The following MGA variants were observed in gnomAD, a reference collection of about 807,000 sequenced individuals.
MGA encodes the protein MAX gene-associated protein.
Under a neutral mutation model 261.1 loss-of-function variants are expected in MGA, and 40 were observed. The observed-to-expected ratio is 0.15, with a 90% confidence interval of 0.12 to 0.20. The LOEUF (loss-of-function observed/expected upper bound fraction) is 0.20, where lower values mean the gene tolerates loss of function less well. Among genes scored for constraint, MGA ranks in the 10% least tolerant of loss-of-function variants. The pLI, the probability that MGA is intolerant of heterozygous loss-of-function variation, is 1.00. For missense variants in MGA, 3,397 were observed against 3,630.5 expected (o/e 0.94, Z 1.65); for synonymous variants, 1,302 against 1,290.6 (o/e 1.01, Z -0.19).
intron 1 of MGA, among the ~76,000 whole-genome samples, chr15:41,633,906 TTC>T (rs780039271): frequency 8.5e-5 from 13 of 152,192 alleles, no homozygotes; most frequent in Non-Finnish European, 1.6e-4. Flanking sequence ...CCCCTCTTAC[TTC>T]TCTGACCTTA....
intron 3 of MGA, among the ~76,000 whole-genome samples, chr15:41,697,856 T>C (rs1351863929): frequency 2.0e-5 from 3 of 152,164 alleles, no homozygotes; most frequent in Non-Finnish European, 4.4e-5. Context: ...GAAATTTTTA[T>C]AGAAGCCCAG....
rs2063229521 is a variant in MGA, at chr15:41,757,791, C to G, written c.7143C>G (p.Ser2381=). 1 of 1,609,140 alleles carries G rather than the reference C, an allele frequency of 6.2e-7. No homozygotes were observed. Among genetic ancestry groups the G allele is most frequent in the Non-Finnish European group, 8.5e-7 (1 of 1,176,312 alleles). The change falls in exon 19 of 24, where the codon TCC becomes TCG. Residue 2381 remains serine (S), a synonymous_variant. Coordinates refer to ENST00000219905, the MANE Select transcript of MGA (RefSeq NM_001164273.2). ...GAAAAATCCTGTCTTTATCCAGGTC[C>G]TGTACTCACATCTCTGCAGATGAAA...
chr15:41,753,134 G>A (rs1266441767), intron 17 of MGA, among the ~76,000 whole-genome samples: 1 of 152,126 alleles, frequency 6.6e-6, no homozygotes, highest in Non-Finnish European at 1.5e-5. Context: ...GTTATGCCAG[G>A]CGCTGTAGCT....
At chr15:41,690,025 GCAGT>G (rs2059189662) in intron 2 of MGA, among the ~76,000 whole-genome samples, 2 of 152,282 alleles carry the variant, frequency 1.3e-5, no homozygotes, top group South Asian at 2.1e-4. Flanking sequence ...CTTCAGTGCT[GCAGT>G]CAGTTTTAGG....
chr15:41,716,297 A>G (rs975123278), intron 9 of MGA, among the ~76,000 whole-genome samples: 44 of 151,802 alleles, frequency 2.9e-4, no homozygotes, highest in Non-Finnish European at 5.3e-4. Context: ...AATACAAAAA[A>G]AAAAAAATTA....
At chr15:41,762,460 GGT>G (rs5812200) in intron 22 of MGA, 98 bp downstream of exon 22, 24 of 190,534 alleles carry the variant, frequency 1.3e-4, no homozygotes, top group East Asian at 5.8e-4. Flanking sequence ...AGTTTTGTGT[GGT>G]TTTTTTTTTT....
At chr15:41,662,417 C>G (rs1157489428) in intron 1 of MGA, among the ~76,000 whole-genome samples, 1 of 152,214 alleles carries the variant, frequency 6.6e-6, no homozygotes, top group Non-Finnish European at 1.5e-5. Context: ...GCAGTACTCT[C>G]TTACGCAGGT....
In MGA at chr15:41,708,153, T is replaced by G; in HGVS notation, c.2370T>G (p.Thr790=). 2 of 1,602,344 alleles carry G rather than the reference T, an allele frequency of 1.2e-6. No homozygotes were observed. The highest frequency in any genetic ancestry group is 1.7e-6 in the Non-Finnish European group (2 of 1,174,064). Residue 790 remains threonine, a synonymous_variant, in exon 7 of 24, where the codon ACT becomes ACG. Coordinates refer to ENST00000219905, the MANE Select transcript of MGA (RefSeq NM_001164273.2). ...GGACAGGGAAAACCAATGATTTCAC[T>G]AAGATCAAGGGATGGAGGGGAAAAT...
At chr15:41,727,673 GT>G (rs1241705904) in intron 10 of MGA, among the ~76,000 whole-genome samples, 1 of 151,990 alleles carries the variant, frequency 6.6e-6, no homozygotes, top group African/African-American at 2.4e-5. Flanking sequence ...CTTGGAAAAA[GT>G]TTTTTAAAGA....
At chr15:41,625,526 C>CA (rs1286671489) in intron 1 of MGA, among the ~76,000 whole-genome samples, 3 of 151,082 alleles carry the variant, frequency 2.0e-5, no homozygotes, top group African/African-American at 7.3e-5. Flanking sequence ...CCAGCCTGGT[C>CA]AACACAGCAA....
At chr15:41,685,273 A>G (rs879606522) in intron 2 of MGA, among the ~76,000 whole-genome samples, 1 of 152,212 alleles carries the variant, frequency 6.6e-6, no homozygotes, top group Non-Finnish European at 1.5e-5. Flanking sequence ...CTATATGCGC[A>G]CAGGTAGGTT....
chr15:41,638,028 C>T (rs2150594516), intron 1 of MGA, among the ~76,000 whole-genome samples: 1 of 140,908 alleles, frequency 7.1e-6, no homozygotes, highest in Admixed American at 7.5e-5. Flanking sequence ...ACTACTGTGC[C>T]CAGCTTTTTT....
chr15:41,640,577 T>C (rs1182099566), intron 1 of MGA, among the ~76,000 whole-genome samples: 1 of 152,144 alleles, frequency 6.6e-6, no homozygotes, highest in African/African-American at 2.4e-5. Flanking sequence ...TGGAATACAA[T>C]GGTGCGATCT....
In MGA at chr15:41,749,693, G is replaced by T. The variant is rs1249027639; in HGVS notation, c.6086G>T (p.Gly2029Val). 4 of 1,614,018 alleles carry T rather than the reference G, an allele frequency of 2.5e-6. No homozygotes were observed. The highest frequency in any genetic ancestry group is 2.2e-5 in the East Asian group (1 of 44,880). The change falls in exon 17 of 24, where the codon GGT becomes GTT. Residue 2029 changes from glycine to valine, a missense_variant. Transcript: ENST00000219905. The stretch of plus-strand genomic sequence containing the variant: ...CTGAATGATTCCTTGGAAGATAGGG[G>T]TGATCATTTGGATGAAGAATGCCTT...
Position 41,740,293 on chromosome 15 carries a change from AAT to A in MGA, c.4585+93_4585+94del. ...GTATGGAGGTTGTAAAAATTAGAGA[AAT>A]ATGTACTTTGGCATTATTCTTATTC... is the stretch of plus-strand genomic sequence containing the variant. On this transcript the variant is annotated intron_variant, in intron 14 of 23. Transcript: ENST00000219905. 3 of 1,326,218 alleles carry A rather than the reference AAT, an allele frequency of 2.3e-6. No homozygotes were observed. The South Asian group carries it at 4.3e-5, about 19-fold the overall frequency. The allele number at this position is 1,326,218 out of a possible 1,614,324, so 82.2% of individuals were successfully genotyped here. A position where few individuals can be genotyped will look rare whatever the true frequency, so the allele number is the denominator to read the frequency against.
At chr15:41,765,834 G>A (rs1232737837) in intron 23 of MGA, among the ~76,000 whole-genome samples, 170 bp from the exon 24 acceptor site, 1 of 152,110 alleles carries the variant, frequency 6.6e-6, no homozygotes. Context: ...TTCTTGTTGG[G>A]TTAGGTCAAT....
chr15:41,746,624 T>G (rs2062500703), intron 15 of MGA, among the ~76,000 whole-genome samples: 3 of 151,650 alleles, frequency 2.0e-5, no homozygotes, highest in African/African-American at 7.2e-5. Context: ...AACAGTTTGG[T>G]TTTGTGTTTT....
chr15:41,646,330 T>C (rs930327895), intron 1 of MGA, among the ~76,000 whole-genome samples: 1 of 151,780 alleles, frequency 6.6e-6, no homozygotes, highest in Non-Finnish European at 1.5e-5. Flanking sequence ...ATTTTATTAA[T>C]ATTTATTAAT....
At chr15:41,707,692 T>A in intron 5 of MGA, 36 bp from the exon 6 acceptor site, 1 of 1,554,012 alleles carries the variant, frequency 6.4e-7, no homozygotes, top group Non-Finnish European at 8.7e-7. Context: ...GATTTCTGAT[T>A]AATCTATGGA....
Sources: gnomAD v4.1 joint callset for allele counts (sites outside exome capture counted in the v4.1 genomes callset) on GRCh38, gnomAD v4.1.1 for gene constraint, MANE v1.5 for transcripts, NCBI Gene and HGNC (gene_info 2026-07-23, HGNC 2026-07-21) for gene names.